Variants in CCDC88A observed in about 807,000 individuals in gnomAD.
The protein encoded by CCDC88A is girdin.
Under a neutral mutation model 234.3 loss-of-function variants are expected in CCDC88A, and 54 were observed. The ratio of observed to expected loss-of-function variants is 0.23; its 90% CI spans 0.19 to 0.29. CCDC88A has a LOEUF of 0.29. Ranked by LOEUF, CCDC88A falls within the 10% of genes least tolerant of loss-of-function variation. The pLI is 1.00. For synonymous variants in CCDC88A, 753 were observed against 737.8 expected (o/e 1.02, Z -0.33); for missense variants, 1,832 against 2,123.4 (o/e 0.86, Z 2.70).
At chr2:55,418,384 G>A (rs1161313020) in intron 2 of CCDC88A, 2 of 163,900 alleles carry the variant, frequency 1.2e-5, no homozygotes, top group Non-Finnish European at 2.7e-5. Context: ...ATTACTTAAC[G>A]AGTTTCAAAT....
intron 2 of CCDC88A, among the ~76,000 whole-genome samples, chr2:55,390,425 C>T (rs887674282): frequency 2.0e-5 from 3 of 152,182 alleles, no homozygotes; most frequent in Non-Finnish European, 2.9e-5. Context: ...TGTCCCCTGA[C>T]CACATTCTTA....
intron 9 of CCDC88A, among the ~76,000 whole-genome samples, chr2:55,348,188 C>T (rs1293034807): frequency 6.6e-6 from 1 of 152,114 alleles, no homozygotes; most frequent in Non-Finnish European, 1.5e-5. Context: ...AGGTCTTTAA[C>T]TCCTGGGCTC....
chr2:55,341,845 T>C (rs2104714823), intron 12 of CCDC88A, among the ~76,000 whole-genome samples: 1 of 152,326 alleles, frequency 6.6e-6, no homozygotes, highest in East Asian at 1.9e-4. Flanking sequence ...ATTCCATATC[T>C]TGACATTTGT....
intron 5 of CCDC88A, among the ~76,000 whole-genome samples, chr2:55,369,159 C>A (rs913751414): frequency 1.3e-4 from 20 of 151,880 alleles, no homozygotes; most frequent in African/African-American, 4.8e-4. Flanking sequence ...CTCAACTTCC[C>A]GAGTAGCTGG....
chr2:55,346,967 G>A (rs1032055867), intron 9 of CCDC88A, among the ~76,000 whole-genome samples: 1 of 151,736 alleles, frequency 6.6e-6, no homozygotes, highest in African/African-American at 2.4e-5. Context: ...AAATATTCAG[G>A]ATATTTTAAA....
At position 55,372,481 on chromosome 2, in the gene CCDC88A, G is replaced by T; in HGVS notation, c.373C>A (p.Leu125Ile). 1 of 1,527,540 alleles carries T rather than the reference G, an allele frequency of 6.5e-7. No individual in the cohort carries two copies. The highest frequency in any genetic ancestry group is 9.0e-7 in the Non-Finnish European group (1 of 1,107,490). 94.6% of individuals were successfully genotyped at this position (1,527,540 alleles called of 1,614,324 possible). Reference sequence around the variant, plus strand: ...ACTGCACAACCCAATAAAAGTAAAAGCAGTTTTTTAACTTCTTCTGTGCCT... The same window carrying T: ...ACTGCACAACCCAATAAAAGTAAAATCAGTTTTTTAACTTCTTCTGTGCCT... Reference protein sequence around the residue: ...EQGTEEVKKLLLLLLGCAVQC... With the variant: ...EQGTEEVKKLILLLLGCAVQC... Residue 125 changes from leucine (L) to isoleucine (I), a missense_variant, in exon 5 of 33, where the codon CTT becomes ATT. Leu to Ile is a conservative substitution (Grantham distance 5). This residue lies in a region of CCDC88A where 84 missense variants were observed against 80.9 expected (regional missense o/e 1.04). Coordinates refer to ENST00000436346, the MANE Select transcript of CCDC88A (RefSeq NM_001365480.1).
At chr2:55,326,851 G>A (rs892367384) in intron 17 of CCDC88A, among the ~76,000 whole-genome samples, 5 of 152,158 alleles carry the variant, frequency 3.3e-5, no homozygotes, top group South Asian at 2.1e-4. Flanking sequence ...GATTACAGGC[G>A]TGAGCCACCG....
intron 22 of CCDC88A, among the ~76,000 whole-genome samples, chr2:55,315,682 G>A (rs1054385458): frequency 5.9e-5 from 9 of 152,090 alleles, no homozygotes; most frequent in South Asian, 2.1e-4. Context: ...TTCATTAAAT[G>A]AATAATTTTA....
At chr2:55,328,000 A>T (rs1225435095) in intron 17 of CCDC88A, among the ~76,000 whole-genome samples, 1 of 152,134 alleles carries the variant, frequency 6.6e-6, no homozygotes, top group African/African-American at 2.4e-5. Flanking sequence ...TCAGTATCAC[A>T]ATGAGAGCTT....
At position 55,335,082 on chromosome 2, in the gene CCDC88A, G is replaced by C; in HGVS notation, c.1739C>G (p.Ala580Gly). Residue 580 changes from alanine (A) to glycine (G), a missense_variant, in exon 15 of 33, where the codon GCA (alanine) becomes GGA (glycine). Ala to Gly is a moderately conservative substitution (Grantham distance 60). This residue lies in a region of CCDC88A where 1,282 missense variants were observed against 1,543.6 expected (regional missense o/e 0.83). Coordinates refer to ENST00000436346, the MANE Select transcript of CCDC88A (RefSeq NM_001365480.1). The surrounding 1 kb of genome is among the most constrained non-coding windows in gnomAD (Gnocchi z 4.5). ...TTCTTTTTCAATGTCTTTCACTCTT[G>C]CTTCTGCACTTATCTGGGACCGCTG... ...LRQRSQISAE[A>G]RVKDIEKENK... 6.2e-7 allele frequency: 1 copy of C among 1,606,618 alleles called. No individual in the cohort carries two copies. The highest frequency in any genetic ancestry group is 1.1e-5 in the South Asian group (1 of 89,338).
chr2:55,387,176 CAAAAAAAAAAAAA>C (rs869311337), intron 3 of CCDC88A, among the ~76,000 whole-genome samples: 4 of 69,770 alleles, frequency 5.7e-5, no homozygotes, highest in African/African-American at 7.0e-5. Context: ...GATTCCATCT[CAAAAAAAAAAAAA>C]AAAAAAAAAA....
intron 8 of CCDC88A, among the ~76,000 whole-genome samples, chr2:55,353,599 T>A (rs1347265444): frequency 6.7e-6 from 1 of 149,962 alleles, no homozygotes; most frequent in Non-Finnish European, 1.5e-5. Context: ...TACACTGTGG[T>A]TTTAAATTTA....
In CCDC88A at chr2:55,408,833, T is replaced by G. The variant is rs558051644; in HGVS notation, c.164+9983A>C. 2.0e-5 allele frequency among the ~76,000 whole-genome samples: 3 copies of G among 152,268 alleles called. No individual in the cohort carries two copies. The South Asian group carries it at 6.2e-4, about 32-fold the overall frequency. On this transcript the variant is annotated intron_variant, in intron 2 of 32. Coordinates refer to ENST00000436346, the MANE Select transcript of CCDC88A (RefSeq NM_001365480.1). Reference sequence around the variant, plus strand: ...CAAGAACCCTCTCTTGGGGTCTGGATTGGGACCCCTTTCCAGTAACACAAC... The same window carrying G: ...CAAGAACCCTCTCTTGGGGTCTGGAGTGGGACCCCTTTCCAGTAACACAAC...
At chr2:55,302,884 G>A (rs1212972954) in intron 26 of CCDC88A, 185 bp downstream of exon 26, 7 of 500,012 alleles carry the variant, frequency 1.4e-5, no homozygotes, top group Non-Finnish European at 2.2e-5. Flanking sequence ...TGTATCAGTG[G>A]ACATATACAT....
intron 2 of CCDC88A, among the ~76,000 whole-genome samples, chr2:55,396,819 G>A (rs997561086): frequency 1.5e-5 from 2 of 136,642 alleles, no homozygotes; most frequent in Non-Finnish European, 1.5e-5. Context: ...GCAGTGAGCC[G>A]AGATCACGCC....
rs1673237431 is a variant in CCDC88A, at chr2:55,374,127, A to T, written c.343+687T>A. On this transcript the variant is annotated intron_variant, in intron 4 of 32. Transcript: ENST00000436346. Reference sequence around the variant, plus strand: ...GGTGGCTCATGCCTCTAATCCCAGCACTTTGGGAGGCCGAGGCGGGCAGAT... The same window carrying T: ...GGTGGCTCATGCCTCTAATCCCAGCTCTTTGGGAGGCCGAGGCGGGCAGAT... Among the ~76,000 whole-genome samples the T allele has an allele frequency of 2.0e-5, 3 of 152,208 alleles. No individual in the cohort carries two copies. In the South Asian group the frequency reaches 6.2e-4, roughly 31 times the overall value.
At chr2:55,361,283 G>T (rs191361767) in intron 7 of CCDC88A, among the ~76,000 whole-genome samples, 10 of 152,212 alleles carry the variant, frequency 6.6e-5, no homozygotes, top group African/African-American at 1.2e-4. Flanking sequence ...TAAAAAATCT[G>T]ATTGAAAATG....
intron 3 of CCDC88A, among the ~76,000 whole-genome samples, chr2:55,382,432 CAAT>C (rs1375556087): frequency 6.6e-6 from 1 of 152,086 alleles, no homozygotes; most frequent in African/African-American, 2.4e-5. Context: ...GTTTGAACAA[CAAT>C]GTTCTTCATT....
rs751553010 is a variant in CCDC88A at position 55,388,822 on chromosome 2, G to A, written c.229C>T (p.His77Tyr). ...KVNNDASLRM[H>Y]NLSILVRQIK... ...TGTCTCACCAAAATGGATAGATTGTGCATTCTAAGTGAGGCATCATTATTG... is the reference window on the plus strand; with the variant it reads ...TGTCTCACCAAAATGGATAGATTGTACATTCTAAGTGAGGCATCATTATTG... The change falls in exon 3 of 33, where the codon CAC becomes TAC. Residue 77 changes from histidine to tyrosine, a missense_variant. This residue lies in a region of CCDC88A where 84 missense variants were observed against 80.9 expected (regional missense o/e 1.04). Coordinates refer to ENST00000436346, the MANE Select transcript of CCDC88A (RefSeq NM_001365480.1). The A allele has an allele frequency of 1.3e-6, 2 of 1,539,876 alleles. No individual in the cohort carries two copies. Among genetic ancestry groups the A allele is most frequent in the South Asian group, 1.2e-5 (1 of 84,308 alleles).
Sources: allele counts gnomAD v4.1 joint callset (sites outside exome capture counted in the v4.1 genomes callset), GRCh38; gene constraint gnomAD v4.1.1; regional missense constraint gnomAD v4.1.1; non-coding constraint Gnocchi (gnomAD v3.1); transcripts MANE v1.5; gene names NCBI Gene and HGNC (gene_info 2026-07-23, HGNC 2026-07-21).